Variants in NEBL observed in about 807,000 individuals in gnomAD.
NEBL encodes the protein LIM and SH3 protein 2.
A neutral mutation model predicts 140.2 loss-of-function variants in NEBL; 122 were observed. The ratio of observed to expected loss-of-function variants is 0.87; its 90% CI spans 0.75 to 1.01. NEBL has a LOEUF of 1.01. NEBL is among the 50% of genes least tolerant of loss of function. The pLI, the probability that NEBL is intolerant of heterozygous loss-of-function variation, is 0.00. For synonymous variants in NEBL, 436 were observed against 398.9 expected, an observed-to-expected ratio of 1.09 and a Z score of -1.11; for missense variants, 1,365 against 1,231.3, an observed-to-expected ratio of 1.11 and a Z score of -1.62.
chr10:20,942,738 A>T (rs1348192687), intron 4 of NEBL, among the ~76,000 whole-genome samples: 2 of 152,220 alleles, frequency 1.3e-5, no homozygotes, highest in African/African-American at 4.8e-5. Flanking sequence ...TAAACAATGT[A>T]CAAGAAAAAA....
chr10:21,072,579 A>G (rs1835868083), intron 2 of NEBL, among the ~76,000 whole-genome samples: 1 of 152,248 alleles, frequency 6.6e-6, no homozygotes, highest in African/African-American at 2.4e-5. Flanking sequence ...CAGGAAAAAC[A>G]AAGGACAGAG....
chr10:20,934,195 A>G (rs1834354860), intron 4 of NEBL, among the ~76,000 whole-genome samples: 1 of 152,228 alleles, frequency 6.6e-6, no homozygotes, highest in Non-Finnish European at 1.5e-5. Flanking sequence ...AAGGCAAAGA[A>G]GATGGGTTCT....
chr10:21,043,390 G>C (rs939372975), intron 2 of NEBL, among the ~76,000 whole-genome samples: 3 of 152,156 alleles, frequency 2.0e-5, no homozygotes, highest in African/African-American at 4.8e-5. Context: ...CAAGATCTTC[G>C]AGTGTGCTTT....
chr10:21,231,443 G>A (rs941712751), intron 3 of NEBL, among the ~76,000 whole-genome samples: 57 of 152,272 alleles, frequency 3.7e-4, no homozygotes, highest in African/African-American at 1.3e-3. Context: ...GGAAGGCTGA[G>A]GCAGGGGAAT....
At chr10:20,971,731 A>T (rs1836582695) in intron 3 of NEBL, among the ~76,000 whole-genome samples, 1 of 150,532 alleles carries the variant, frequency 6.6e-6, no homozygotes, top group Non-Finnish European at 1.5e-5. Context: ...CTCCTGCCTC[A>T]GCCTCCCTAG....
At chr10:20,960,386 C>T (rs1165995992) in intron 4 of NEBL, among the ~76,000 whole-genome samples, 2 of 151,988 alleles carry the variant, frequency 1.3e-5, no homozygotes, top group Non-Finnish European at 2.9e-5. Context: ...GTATTCATGA[C>T]TGATGGATTG....
intron 4 of NEBL, among the ~76,000 whole-genome samples, chr10:20,943,675 T>A (rs1044868968): frequency 3.3e-5 from 5 of 152,244 alleles, no homozygotes; most frequent in Non-Finnish European, 7.3e-5. Context: ...CTTACCCACA[T>A]GTCCTGCTAC....
At chr10:20,934,040 TA>T (rs890749834) in intron 4 of NEBL, among the ~76,000 whole-genome samples, 4 of 151,194 alleles carry the variant, frequency 2.6e-5, no homozygotes, top group African/African-American at 4.9e-5. Context: ...TGTTGAAATT[TA>T]AAAAAAAAGG....
chr10:21,168,820 G>A (rs1450524298), intron 2 of NEBL, among the ~76,000 whole-genome samples: 3 of 151,134 alleles, frequency 2.0e-5, no homozygotes, highest in East Asian at 2.0e-4. Flanking sequence ...AGGCTGAGGC[G>A]GGTGGATCAC....
intron 2 of NEBL, among the ~76,000 whole-genome samples, chr10:21,021,383 T>C (rs1158639329): frequency 6.6e-6 from 1 of 152,182 alleles, no homozygotes; most frequent in Non-Finnish European, 1.5e-5. Flanking sequence ...CCAGTTGATC[T>C]TGGAATAAAG....
chr10:20,879,601 T>A (rs1845831089), intron 5 of NEBL, among the ~76,000 whole-genome samples: 1 of 152,130 alleles, frequency 6.6e-6, no homozygotes, highest in Non-Finnish European at 1.5e-5. Context: ...CTCTGCACAG[T>A]GGGACTATGG....
intron 11 of NEBL, among the ~76,000 whole-genome samples, chr10:20,848,546 C>A (rs907043972): frequency 6.6e-6 from 1 of 152,192 alleles, no homozygotes; most frequent in Non-Finnish European, 1.5e-5. Context: ...GGTGAGGGAG[C>A]ATTCCTGCCT....
At chr10:21,029,277 G>A (rs1833677270) in intron 2 of NEBL, 7 of 1,599,748 alleles carry the variant, frequency 4.4e-6, no homozygotes, top group Non-Finnish European at 5.1e-6. Context: ...TTCCCAAATC[G>A]CCACCCTACA....
At chr10:21,242,197 C>G (rs967097917) in intron 3 of NEBL, among the ~76,000 whole-genome samples, 1 of 151,344 alleles carries the variant, frequency 6.6e-6, no homozygotes, top group South Asian at 2.1e-4. Flanking sequence ...AGAGCAAGAC[C>G]CTGTCTCAAA....
At chr10:20,953,112 G>C (rs1389658025) in intron 4 of NEBL, among the ~76,000 whole-genome samples, 2 of 152,044 alleles carry the variant, frequency 1.3e-5, no homozygotes, top group Non-Finnish European at 2.9e-5. Context: ...GGTATGGACT[G>C]AACTGTGTAC....
At chr10:21,087,142 C>A (rs542235736) in intron 2 of NEBL, among the ~76,000 whole-genome samples, 17 of 152,146 alleles carry the variant, frequency 1.1e-4, no homozygotes, top group Non-Finnish European at 1.0e-4. Flanking sequence ...ATTTTTCTAT[C>A]TCTGTGAACT....
At chr10:21,113,304 A>AAAAAAAAAAAAC in intron 2 of NEBL, 1 of 337,042 alleles carries the variant, frequency 3.0e-6, no homozygotes, top group South Asian at 2.7e-5. Context: ...AAAAAAAAAA[A>AAAAAAAAAAAAC]AACCAGGAAA....
intron 3 of NEBL, chr10:21,218,380 A>G (rs994564793): frequency 1.3e-5 from 2 of 152,248 alleles, no homozygotes; most frequent in African/African-American, 4.8e-5. Flanking sequence ...TTCTACAGAT[A>G]GTTTCATGAC....
intron 2 of NEBL, among the ~76,000 whole-genome samples, chr10:21,040,960 G>A (rs1220443318): frequency 6.6e-6 from 1 of 152,022 alleles, no homozygotes; most frequent in East Asian, 1.9e-4. Context: ...CATGCTTCCT[G>A]TACAGCATGT....
Sources: gnomAD v4.1 joint callset for allele counts (sites outside exome capture counted in the v4.1 genomes callset) on GRCh38, gnomAD v4.1.1 for gene constraint, MANE v1.5 for transcripts, NCBI Gene and HGNC (gene_info 2026-07-23, HGNC 2026-07-21) for gene names.